The following CSMD1 variants were observed in gnomAD, a reference collection of about 807,000 sequenced individuals.
The protein encoded by CSMD1 is CUB and Sushi multiple domains 1, also known as CUB and sushi domain-containing protein 1.
Under a neutral mutation model 417.5 loss-of-function variants are expected in CSMD1, and 213 were observed. That is an observed-to-expected ratio of 0.51 (90% CI 0.46 to 0.57). CSMD1 has a LOEUF of 0.57. CSMD1 is among the 20% of genes least tolerant of loss of function. CSMD1 has a pLI of 0.00. For synonymous variants in CSMD1, 2,862 were observed against 1,736.8 expected (o/e 1.65, Z -16.11); for missense variants, 6,923 against 4,529.7 (o/e 1.53, Z -15.17).
At chr8:3,741,835 A>G (rs1319055114) in intron 6 of CSMD1, among the ~76,000 whole-genome samples, 1 of 152,184 alleles carries the variant, frequency 6.6e-6, no homozygotes, top group Non-Finnish European at 1.5e-5. Context: ...AAATGTGCTC[A>G]AGTCGGCTTT....
chr8:4,344,086 G>C (rs545792257), intron 3 of CSMD1, among the ~76,000 whole-genome samples: 2 of 152,046 alleles, frequency 1.3e-5, no homozygotes, highest in African/African-American at 4.8e-5. Flanking sequence ...GGCTTAACAC[G>C]GTATACCAGC....
At chr8:3,949,473 A>G (rs1412819784) in intron 5 of CSMD1, among the ~76,000 whole-genome samples, 2 of 152,184 alleles carry the variant, frequency 1.3e-5, no homozygotes, top group Admixed American at 6.5e-5. Flanking sequence ...TTAAGCACCA[A>G]TACTATATAA....
intron 29 of CSMD1, among the ~76,000 whole-genome samples, chr8:3,216,834 G>T (rs1326955371): frequency 6.6e-6 from 1 of 152,236 alleles, no homozygotes; most frequent in Non-Finnish European, 1.5e-5. Flanking sequence ...ACTGCCTGGT[G>T]TTCCTTCTAT....
At chr8:4,326,096 G>C (rs572378920) in intron 3 of CSMD1, among the ~76,000 whole-genome samples, 8 of 152,268 alleles carry the variant, frequency 5.3e-5, no homozygotes, top group African/African-American at 9.6e-5. Flanking sequence ...GAACGGAGTG[G>C]TAAATCAGAG....
intron 3 of CSMD1, among the ~76,000 whole-genome samples, chr8:4,120,742 A>G (rs1361392781): frequency 6.6e-6 from 1 of 152,240 alleles, no homozygotes; most frequent in Non-Finnish European, 1.5e-5. Context: ...TGTCAGGCTC[A>G]GAATGTGTCT....
At chr8:4,473,354 G>A (rs1397940964) in intron 2 of CSMD1, among the ~76,000 whole-genome samples, 1 of 152,128 alleles carries the variant, frequency 6.6e-6, no homozygotes, top group Non-Finnish European at 1.5e-5. Flanking sequence ...ATGCCATTGG[G>A]GTATCTGAGG....
chr8:3,579,594 A>G (rs1227293181), intron 9 of CSMD1, among the ~76,000 whole-genome samples: 1 of 152,156 alleles, frequency 6.6e-6, no homozygotes, highest in Non-Finnish European at 1.5e-5. Context: ...CAGATTGTGA[A>G]CCATAATGAA....
chr8:4,736,618 G>T (rs937380041), intron 1 of CSMD1, among the ~76,000 whole-genome samples: 1 of 152,134 alleles, frequency 6.6e-6, no homozygotes, highest in Admixed American at 6.5e-5. Flanking sequence ...CTAAAAGGCA[G>T]GGAAAGGCAG....
chr8:2,958,993 A>C (rs1318503523), intron 62 of CSMD1, among the ~76,000 whole-genome samples: 1 of 152,240 alleles, frequency 6.6e-6, no homozygotes, highest in African/African-American at 2.4e-5. Context: ...TGGAAGTATG[A>C]ATTTATAAAG....
At chr8:4,767,874 G>T (rs940932760) in intron 1 of CSMD1, among the ~76,000 whole-genome samples, 18 of 152,174 alleles carry the variant, frequency 1.2e-4, no homozygotes, top group South Asian at 2.1e-4. Flanking sequence ...CTACTAGCTA[G>T]TTTACAGTGT....
At chr8:4,289,743 T>G (rs1002193701) in intron 3 of CSMD1, among the ~76,000 whole-genome samples, 1 of 152,212 alleles carries the variant, frequency 6.6e-6, no homozygotes, top group Non-Finnish European at 1.5e-5. Context: ...TAATGCATTG[T>G]GAATAAAACA....
chr8:3,823,606 C>T (rs1234753982), intron 5 of CSMD1, among the ~76,000 whole-genome samples: 1 of 151,930 alleles, frequency 6.6e-6, no homozygotes, highest in Non-Finnish European at 1.5e-5. Flanking sequence ...TCAACTTATG[C>T]TTGAATCAAA....
intron 2 of CSMD1, among the ~76,000 whole-genome samples, chr8:4,471,495 C>T (rs888867564): frequency 1.3e-5 from 2 of 152,088 alleles, no homozygotes; most frequent in Admixed American, 6.6e-5. Flanking sequence ...CAAAACATGG[C>T]TCAGTGTCTG....
intron 1 of CSMD1, among the ~76,000 whole-genome samples, chr8:4,873,879 C>A (rs569664930): frequency 6.6e-6 from 1 of 151,854 alleles, no homozygotes; most frequent in Admixed American, 6.6e-5. Context: ...TGAAGCACTA[C>A]GGCTTTTAGA....
At chr8:3,413,508 T>C (rs17066048) in intron 12 of CSMD1, among the ~76,000 whole-genome samples, 3,194 of 152,308 alleles carry the variant, frequency 0.021, 126 homozygotes, top group African/African-American at 0.072. Flanking sequence ...ACTGTCAAAG[T>C]AGCACGGTCC....
intron 1 of CSMD1, among the ~76,000 whole-genome samples, chr8:4,785,135 G>A (rs1797335050): frequency 6.6e-6 from 1 of 152,194 alleles, no homozygotes; most frequent in Non-Finnish European, 1.5e-5. Flanking sequence ...TTTAAACCAT[G>A]TGGAAAAGAT....
At chr8:4,620,865 T>C (rs1376453430) in intron 2 of CSMD1, among the ~76,000 whole-genome samples, 2 of 150,796 alleles carry the variant, frequency 1.3e-5, no homozygotes, top group African/African-American at 4.9e-5. Context: ...CCAAAATAAA[T>C]AGAAGAGTGA....
intron 2 of CSMD1, among the ~76,000 whole-genome samples, chr8:4,547,925 C>A (rs1396148668): frequency 6.6e-6 from 1 of 152,096 alleles, no homozygotes; most frequent in Non-Finnish European, 1.5e-5. Context: ...GCCGAGAAAA[C>A]AACTTTGTTT....
intron 3 of CSMD1, among the ~76,000 whole-genome samples, chr8:4,415,663 G>C (rs1326515579): frequency 6.6e-6 from 1 of 152,178 alleles, no homozygotes; most frequent in South Asian, 2.1e-4. Context: ...ACTTAACTCA[G>C]TATTGTGTCT....
Sources: gnomAD v4.1 joint callset for allele counts (sites outside exome capture counted in the v4.1 genomes callset) on GRCh38, gnomAD v4.1.1 for gene constraint, MANE v1.5 for transcripts, NCBI Gene and HGNC (gene_info 2026-07-23, HGNC 2026-07-21) for gene names.